The following YES1 variants were observed in gnomAD, a reference collection of about 807,000 sequenced individuals.
YES1 encodes YES proto-oncogene 1, Src family tyrosine kinase, also known as tyrosine-protein kinase Yes.
In YES1, 39 loss-of-function variants were observed where a neutral mutation model predicts 70.4. That is an observed-to-expected ratio of 0.55 (90% CI 0.43 to 0.72). YES1 has a LOEUF of 0.72. Among genes scored for constraint, YES1 ranks in the 30% least tolerant of loss-of-function variants. YES1 has a pLI of 0.00. For synonymous variants in YES1, 198 were observed against 218.6 expected, an observed-to-expected ratio of 0.91 and a Z score of 0.83; for missense variants, 495 against 644.8, an observed-to-expected ratio of 0.77 and a Z score of 2.52.
chr18:811,961 G>A (rs1383761102), intron 1 of YES1, among the ~76,000 whole-genome samples, 153 bp downstream of exon 1: 1 of 152,134 alleles, frequency 6.6e-6, no homozygotes, highest in East Asian at 1.9e-4. Flanking sequence ...GCGATCCGGG[G>A]GAGGGGAGAA....
intron 3 of YES1, among the ~76,000 whole-genome samples, chr18:749,311 T>C (rs1268320115): frequency 6.7e-6 from 1 of 149,866 alleles, no homozygotes; most frequent in Non-Finnish European, 1.5e-5. Flanking sequence ...CTGGCCAACA[T>C]GGTGAATGAA....
intron 1 of YES1, among the ~76,000 whole-genome samples, chr18:776,102 A>G (rs868170048): frequency 1.2e-4 from 19 of 152,334 alleles, no homozygotes; most frequent in African/African-American, 3.4e-4. Context: ...TTGCACTGCT[A>G]AACAGTTTTC....
chr18:755,863 G>A (rs1007284621), intron 2 of YES1, among the ~76,000 whole-genome samples: 2 of 152,042 alleles, frequency 1.3e-5, no homozygotes, highest in Non-Finnish European at 2.9e-5. Flanking sequence ...ATCCTGATAC[G>A]GGACCCTTTA....
chr18:789,344 G>A (rs1288166965), intron 1 of YES1, among the ~76,000 whole-genome samples: 2 of 152,156 alleles, frequency 1.3e-5, no homozygotes, highest in Non-Finnish European at 2.9e-5. Context: ...CACTTTGGGA[G>A]GCTGAGGTGG....
chr18:796,104 A>G (rs1422421670), intron 1 of YES1, among the ~76,000 whole-genome samples: 1 of 152,210 alleles, frequency 6.6e-6, no homozygotes, highest in African/African-American at 2.4e-5. Context: ...TTAAATCAAA[A>G]TCACAATGAA....
At chr18:770,245 G>A (rs1300237205) in intron 1 of YES1, among the ~76,000 whole-genome samples, 3 of 150,772 alleles carry the variant, frequency 2.0e-5, no homozygotes, top group African/African-American at 4.9e-5. Context: ...GGTGCTGTGA[G>A]CCACTGCGCC....
intron 1 of YES1, among the ~76,000 whole-genome samples, chr18:771,005 C>CA (rs552105932): frequency 0.018 from 2,072 of 117,832 alleles, 16 homozygotes; most frequent in South Asian, 0.035. Flanking sequence ...TATCCCATCT[C>CA]AAAAAAAAAA....
intron 1 of YES1, among the ~76,000 whole-genome samples, chr18:776,215 A>G (rs1905376059): frequency 6.8e-6 from 1 of 147,950 alleles, no homozygotes; most frequent in Non-Finnish European, 1.5e-5. Flanking sequence ...TTTTTTTGAG[A>G]TGGAGTCTCC....
intron 9 of YES1, 134 bp downstream of exon 9, chr18:739,601 G>A (rs1349515178): frequency 5.9e-6 from 4 of 675,028 alleles, no homozygotes; most frequent in Admixed American, 7.3e-5. Flanking sequence ...AGAATGAGAC[G>A]CTGTCTCTAA....
At chr18:792,062 C>T (rs575527734) in intron 1 of YES1, among the ~76,000 whole-genome samples, 6 of 151,960 alleles carry the variant, frequency 3.9e-5, no homozygotes, top group Non-Finnish European at 8.8e-5. Context: ...TGCTTTTCTA[C>T]TAAAAAAAAT....
chr18:797,038 T>G (rs1030770057), intron 1 of YES1, among the ~76,000 whole-genome samples: 1 of 152,108 alleles, frequency 6.6e-6, no homozygotes, highest in Non-Finnish European at 1.5e-5. Context: ...GGAGAAAATA[T>G]TCTTGAAACA....
chr18:798,345 C>T (rs115552089), intron 1 of YES1, among the ~76,000 whole-genome samples: 2,182 of 152,260 alleles, frequency 0.014, 47 homozygotes, highest in African/African-American at 0.05. Context: ...TCTGAAACAT[C>T]GGTCATTGTA....
At chr18:804,129 A>G (rs942290342) in intron 1 of YES1, among the ~76,000 whole-genome samples, 4 of 152,242 alleles carry the variant, frequency 2.6e-5, no homozygotes. Context: ...ATAAAGACAA[A>G]TATCCAGAAC....
intron 1 of YES1, among the ~76,000 whole-genome samples, chr18:759,707 C>T (rs75540229): frequency 2.1e-4 from 25 of 121,392 alleles, no homozygotes; most frequent in Admixed American, 3.3e-4. Context: ...TTATTTATTT[C>T]TTTTTTTCTT....
intron 1 of YES1, among the ~76,000 whole-genome samples, chr18:786,423 G>C (rs1054017312): frequency 4.6e-5 from 7 of 151,092 alleles, no homozygotes; most frequent in African/African-American, 7.3e-5. Context: ...TAGAATCTTT[G>C]TCTATTGTTG....
intron 1 of YES1, among the ~76,000 whole-genome samples, chr18:808,864 C>T (rs541937837): frequency 1.3e-5 from 2 of 152,332 alleles, no homozygotes; most frequent in South Asian, 2.1e-4. Context: ...CATATTCATC[C>T]TTCAGGTGCT....
rs946542672 is a variant in YES1, at chr18:810,205, ATAAG to A, written c.-9+1905_-9+1908del. Among the ~76,000 whole-genome samples the A allele has an allele frequency of 2.0e-5, 3 of 152,348 alleles. 1 individual carries two copies. The South Asian group carries it at 6.2e-4, about 32-fold the overall frequency. On this transcript the variant is annotated intron_variant, in intron 1 of 11. Coordinates refer to ENST00000314574, the MANE Select transcript of YES1 (RefSeq NM_005433.4). ...AACATGATGCAAATTTCAACTTTGA[ATAAG>A]TAAGTCTTACACCATCGGTTGGTAA...
Position 750,984 on chromosome 18 carries a change from T to C in YES1, c.371+721A>G, listed in dbSNP as rs936701153. ...CACATAGTAAATTCTCAATGAATGA[T>C]TGTTGTTATCATTGTCGTTTTCCTT... On this transcript the variant is annotated intron_variant, in intron 3 of 11. Transcript: ENST00000314574. 2.6e-5 allele frequency among the ~76,000 whole-genome samples: 4 copies of C among 152,262 alleles called. No individual in the cohort carries two copies. In the East Asian group the frequency reaches 5.8e-4, roughly 22 times the overall value.
At chr18:792,579 GTGTGTGTA>G (rs1225021362) in intron 1 of YES1, among the ~76,000 whole-genome samples, 4 of 129,278 alleles carry the variant, frequency 3.1e-5, no homozygotes, top group African/African-American at 1.2e-4. Context: ...GTGTGTGTGT[GTGTGTGTA>G]TATACATATA....
Sources: allele counts gnomAD v4.1 joint callset (sites outside exome capture counted in the v4.1 genomes callset), GRCh38; gene constraint gnomAD v4.1.1; transcripts MANE v1.5; gene names NCBI Gene and HGNC (gene_info 2026-07-23, HGNC 2026-07-21).